Variants in GRID2 observed in about 807,000 individuals in gnomAD.
GRID2 encodes the protein glutamate receptor ionotropic, delta-2.
A neutral mutation model predicts 114.8 loss-of-function variants in GRID2; 33 were observed. The observed-to-expected ratio is 0.29, with a 90% CI of 0.22 to 0.38. The LOEUF (loss-of-function observed/expected upper bound fraction) is 0.38, where lower values mean the gene tolerates loss of function less well. GRID2 is among the 10% of genes least tolerant of loss of function. GRID2 has a pLI of 1.00. For missense variants in GRID2, 1,184 were observed against 1,257.7 expected (o/e 0.94, Z 0.89); for synonymous variants, 505 against 449.9 (o/e 1.12, Z -1.55).
At chr4:92,880,685 T>C (rs918768562) in intron 2 of GRID2, among the ~76,000 whole-genome samples, 1 of 152,012 alleles carries the variant, frequency 6.6e-6, no homozygotes, top group African/African-American at 2.4e-5. Flanking sequence ...CAAAAACAAA[T>C]AAGAAAAAAA....
At chr4:92,866,710 AT>A (rs553446965) in intron 2 of GRID2, among the ~76,000 whole-genome samples, 3,147 of 142,652 alleles carry the variant, frequency 0.022, 59 homozygotes, top group South Asian at 0.053. Flanking sequence ...TGCCCGGCTA[AT>A]TTTTTTTTTT....
At chr4:93,317,049 AT>A (rs1194726977) in intron 8 of GRID2, among the ~76,000 whole-genome samples, 1 of 152,098 alleles carries the variant, frequency 6.6e-6, no homozygotes, top group Non-Finnish European at 1.5e-5. Context: ...TAGGTTAAGC[AT>A]TGCAGGATCA....
chr4:93,350,393 A>T (rs898417008), intron 8 of GRID2, among the ~76,000 whole-genome samples: 1 of 152,084 alleles, frequency 6.6e-6, no homozygotes, highest in Non-Finnish European at 1.5e-5. Context: ...CTTCCAAGAC[A>T]TCAATCATAG....
intron 2 of GRID2, among the ~76,000 whole-genome samples, chr4:92,923,766 C>A (rs76868238): frequency 6.6e-6 from 1 of 152,110 alleles, no homozygotes; most frequent in East Asian, 1.9e-4. Context: ...TCCACAGTAG[C>A]AATACAGAGA....
intron 13 of GRID2, among the ~76,000 whole-genome samples, chr4:93,603,508 CT>C (rs1415333920): frequency 6.6e-6 from 1 of 152,204 alleles, no homozygotes; most frequent in Non-Finnish European, 1.5e-5. Flanking sequence ...GATGCAGACA[CT>C]GCGGCAGGTG....
At chr4:92,720,071 A>G (rs952767391) in intron 2 of GRID2, among the ~76,000 whole-genome samples, 3 of 152,130 alleles carry the variant, frequency 2.0e-5, no homozygotes, top group Non-Finnish European at 2.9e-5. Flanking sequence ...TTTCAAATTC[A>G]TATTACTAAG....
intron 4 of GRID2, among the ~76,000 whole-genome samples, chr4:93,126,185 T>C (rs562391912): frequency 6.6e-6 from 1 of 152,348 alleles, no homozygotes; most frequent in East Asian, 1.9e-4. Context: ...TTAATTAGCA[T>C]TAGTATATTA....
At chr4:92,376,953 C>T (rs569279214) in intron 1 of GRID2, among the ~76,000 whole-genome samples, 40 of 152,234 alleles carry the variant, frequency 2.6e-4, no homozygotes, top group African/African-American at 9.1e-4. Flanking sequence ...GGCCTCTGGG[C>T]CTGTGATGGG....
intron 10 of GRID2, among the ~76,000 whole-genome samples, chr4:93,448,748 G>A (rs1722331159): frequency 6.7e-6 from 1 of 148,770 alleles, no homozygotes; most frequent in South Asian, 2.1e-4. Flanking sequence ...ATCAGAATCT[G>A]TAAAGGATAC....
chr4:93,096,464 G>A (rs552176068), intron 3 of GRID2, among the ~76,000 whole-genome samples: 1 of 152,090 alleles, frequency 6.6e-6, no homozygotes, highest in East Asian at 1.9e-4. Flanking sequence ...TGTGAAATAT[G>A]TAAAGTGTTC....
chr4:92,531,647 G>A (rs929906159), intron 1 of GRID2, among the ~76,000 whole-genome samples: 6 of 152,092 alleles, frequency 3.9e-5, no homozygotes, highest in African/African-American at 1.4e-4. Flanking sequence ...TTAGAGGAAT[G>A]ATCATGGAGA....
intron 2 of GRID2, among the ~76,000 whole-genome samples, chr4:92,704,163 A>C (rs1471425740): frequency 6.6e-6 from 1 of 152,138 alleles, no homozygotes; most frequent in African/African-American, 2.4e-5. Context: ...CTGTAGTCCC[A>C]GCTACTCAGG....
intron 14 of GRID2, among the ~76,000 whole-genome samples, chr4:93,681,053 C>A (rs1245552099): frequency 6.6e-6 from 1 of 151,382 alleles, no homozygotes; most frequent in Non-Finnish European, 1.5e-5. Flanking sequence ...CCCAAAATCT[C>A]CTTAAGCTGA....
chr4:92,489,062 G>A (rs1723028361), intron 1 of GRID2, among the ~76,000 whole-genome samples: 1 of 152,058 alleles, frequency 6.6e-6, no homozygotes, highest in Non-Finnish European at 1.5e-5. Context: ...GTGTATAGGT[G>A]GGTAAGTCCT....
intron 1 of GRID2, among the ~76,000 whole-genome samples, chr4:92,434,003 C>T (rs1228240825): frequency 6.6e-6 from 1 of 152,188 alleles, no homozygotes; most frequent in Non-Finnish European, 1.5e-5. Context: ...ATTTAACTTT[C>T]AGTTTTCTAT....
At chr4:93,013,406 G>A (rs987045061) in intron 2 of GRID2, among the ~76,000 whole-genome samples, 11 of 151,772 alleles carry the variant, frequency 7.2e-5, no homozygotes, top group East Asian at 3.9e-4. Flanking sequence ...TTCCATGTGC[G>A]GAACTTCTTA....
At chr4:92,407,932 G>C (rs1731103607) in intron 1 of GRID2, among the ~76,000 whole-genome samples, 1 of 151,978 alleles carries the variant, frequency 6.6e-6, no homozygotes. Flanking sequence ...AAGCTCTTTT[G>C]TTTAGTTGGA....
chr4:93,209,605 A>G (rs529899451), intron 5 of GRID2, among the ~76,000 whole-genome samples: 35 of 152,232 alleles, frequency 2.3e-4, no homozygotes, highest in Non-Finnish European at 2.5e-4. Flanking sequence ...TCATTTGGGT[A>G]TATACCCAGT....
At chr4:93,266,089 A>T (rs1750795828) in intron 8 of GRID2, among the ~76,000 whole-genome samples, 1 of 152,128 alleles carries the variant, frequency 6.6e-6, no homozygotes, top group Non-Finnish European at 1.5e-5. Context: ...GACGGGGATC[A>T]TTCAGACATG....
Sources: allele counts gnomAD v4.1 joint callset (sites outside exome capture counted in the v4.1 genomes callset), GRCh38; gene constraint gnomAD v4.1.1; transcripts MANE v1.5; gene names NCBI Gene and HGNC (gene_info 2026-07-23, HGNC 2026-07-21).